The following NRCAM variants were observed in gnomAD, a reference collection of about 807,000 sequenced individuals.
NRCAM encodes the protein NgCAM-related cell adhesion molecule.
In NRCAM, 83 loss-of-function variants were observed where a neutral mutation model predicts 156.5. The ratio of observed to expected loss-of-function variants is 0.53; its 90% confidence interval spans 0.44 to 0.64. The LOEUF (loss-of-function observed/expected upper bound fraction) is 0.64, where lower values mean the gene tolerates loss of function less well. Ranked by LOEUF, NRCAM falls within the 30% of genes least tolerant of loss-of-function variation. The pLI is 0.00. For synonymous variants in NRCAM, 538 were observed against 563.9 expected (o/e 0.95, Z 0.65); for missense variants, 1,417 against 1,597.3 (o/e 0.89, Z 1.92).
intron 1 of NRCAM, among the ~76,000 whole-genome samples, chr7:108,406,377 C>G (rs1052627616): frequency 5.3e-5 from 8 of 152,126 alleles, no homozygotes; most frequent in Non-Finnish European, 1.2e-4. Context: ...TAAACAGAGC[C>G]AAGGCCTCAT....
chr7:108,369,361 G>A (rs1426827217), intron 2 of NRCAM, among the ~76,000 whole-genome samples: 1 of 151,974 alleles, frequency 6.6e-6, no homozygotes, highest in Non-Finnish European at 1.5e-5. Context: ...ATAAATTACT[G>A]ATAATTTTTT....
Position 108,150,125 on chromosome 7 carries a change from A to G in NRCAM, c.3700T>C (p.Leu1234=). 6.2e-7 allele frequency: 1 copy of G among 1,611,788 alleles called. No homozygotes were observed. Among genetic ancestry groups the G allele is most frequent in the East Asian group, 2.2e-5 (1 of 44,878 alleles). The change falls in exon 33 of 33, where the codon TTG becomes CTG. Residue 1234 remains leucine (L), a synonymous_variant. Coordinates refer to ENST00000379028, the MANE Select transcript of NRCAM (RefSeq NM_001037132.4). ...GAAGGAGTTCGACTTCCTTTTTTCA[A>G]AGGCTTGTGGTCTTCTGCATCACTG... ...EYSDAEDHKP[L]KKGSRTPSDR...
chr7:108,286,782 A>G (rs1007104457), intron 3 of NRCAM, among the ~76,000 whole-genome samples: 1 of 152,186 alleles, frequency 6.6e-6, no homozygotes, highest in Non-Finnish European at 1.5e-5. Flanking sequence ...CATAGCCCAC[A>G]GTTTTTCCAT....
intron 2 of NRCAM, among the ~76,000 whole-genome samples, chr7:108,397,685 C>A (rs1252271970): frequency 6.6e-6 from 1 of 152,166 alleles, no homozygotes; most frequent in African/African-American, 2.4e-5. Context: ...ATGATTGATA[C>A]TGAAAAAGAA....
intron 25 of NRCAM, among the ~76,000 whole-genome samples, chr7:108,179,734 T>C (rs900318806): frequency 6.6e-5 from 10 of 152,200 alleles, no homozygotes; most frequent in Non-Finnish European, 1.3e-4. Context: ...TGCAACCTTC[T>C]AACTCGGTTC....
intron 5 of NRCAM, 144 bp from the exon 6 acceptor site, chr7:108,234,832 T>G (rs761691138): frequency 1.3e-6 from 1 of 770,450 alleles, no homozygotes; most frequent in Non-Finnish European, 2.4e-6. Context: ...CAGCATATAC[T>G]TCAGTAGATT....
chr7:108,201,709 G>T (rs1052072306), intron 13 of NRCAM, among the ~76,000 whole-genome samples: 2 of 152,126 alleles, frequency 1.3e-5, no homozygotes, highest in Admixed American at 6.6e-5. Context: ...CTTTTCTGTT[G>T]CTCTCAGTTG....
rs903918390 is a variant in NRCAM, at chr7:108,148,023, G to C, written c.*1887C>G. On this transcript the variant is annotated 3_prime_UTR_variant, in exon 33 of 33. Coordinates refer to ENST00000379028, the MANE Select transcript of NRCAM (RefSeq NM_001037132.4). Reference sequence around the variant, plus strand: ...GGTGGATCTGTGAAAAATGAATATAGAGACATGAAAGTATTTAGGGCCATC... The same window carrying C: ...GGTGGATCTGTGAAAAATGAATATACAGACATGAAAGTATTTAGGGCCATC... 3 of 152,604 alleles carry C rather than the reference G, an allele frequency of 2.0e-5. No homozygotes were observed. Among genetic ancestry groups the C allele is most frequent in the Non-Finnish European group, 4.4e-5 (3 of 68,040 alleles). 9.5% of individuals were successfully genotyped at this position (152,604 alleles called of 1,614,324 possible).
chr7:108,416,523 G>C (rs1470667121), intron 1 of NRCAM, among the ~76,000 whole-genome samples: 1 of 152,092 alleles, frequency 6.6e-6, no homozygotes, highest in Non-Finnish European at 1.5e-5. Flanking sequence ...AGACAATCAT[G>C]TAGGGATTTT....
chr7:108,328,029 T>G (rs1331352844), intron 2 of NRCAM, among the ~76,000 whole-genome samples: 5 of 152,162 alleles, frequency 3.3e-5, no homozygotes, highest in Admixed American at 3.3e-4. Context: ...ACAAAAGCAT[T>G]AAAATTACAT....
At chr7:108,293,122 G>A (rs758234122) in intron 3 of NRCAM, among the ~76,000 whole-genome samples, 20 of 152,034 alleles carry the variant, frequency 1.3e-4, no homozygotes, top group South Asian at 4.2e-4. Flanking sequence ...AAAATCAAAC[G>A]GTGTGAATGC....
chr7:108,154,122 G>A (rs1446907166), intron 32 of NRCAM, among the ~76,000 whole-genome samples: 2 of 152,136 alleles, frequency 1.3e-5, no homozygotes, highest in Non-Finnish European at 2.9e-5. Flanking sequence ...GGTTCTTGAA[G>A]AAGACAACTA....
intron 3 of NRCAM, among the ~76,000 whole-genome samples, chr7:108,285,998 G>A (rs575134914): frequency 1.4e-4 from 21 of 152,282 alleles, no homozygotes; most frequent in East Asian, 5.8e-4. Flanking sequence ...GGTCAAAAAC[G>A]TATGTATGGC....
At chr7:108,210,243 G>GT (rs201295525) in intron 11 of NRCAM, among the ~76,000 whole-genome samples, 1,818 of 149,522 alleles carry the variant, frequency 0.012, 36 homozygotes, top group African/African-American at 0.039. Flanking sequence ...GTCACCCAAT[G>GT]TTTTGTTTTG....
chr7:108,196,578 A>G (rs1563382605), intron 14 of NRCAM, among the ~76,000 whole-genome samples: 1 of 152,234 alleles, frequency 6.6e-6, no homozygotes, highest in Non-Finnish European at 1.5e-5. Flanking sequence ...GGTATATGGG[A>G]AAATGCCCAA....
chr7:108,432,482 T>A (rs1482285616), intron 1 of NRCAM, among the ~76,000 whole-genome samples: 1 of 152,190 alleles, frequency 6.6e-6, no homozygotes, highest in Non-Finnish European at 1.5e-5. Flanking sequence ...CTCAAAGTTA[T>A]AAAAAACCCA....
In NRCAM at chr7:108,182,900, A is replaced by G. The variant is rs978546598; in HGVS notation, c.2325T>C (p.Ser775=). The G allele has an allele frequency of 6.2e-7, 1 of 1,614,214 alleles. No homozygotes were observed. The highest frequency in any genetic ancestry group is 8.5e-7 in the Non-Finnish European group (1 of 1,180,026). ...ITWKPLNGFE[S]NGPGLQYKVS... is the part of the protein sequence containing the mutation. ...CTTTGTACTGAAGGCCTGGCCCATTAGATTCGAAACCATTCAAGGGCTACA... is the reference window on the plus strand; with the variant it reads ...CTTTGTACTGAAGGCCTGGCCCATTGGATTCGAAACCATTCAAGGGCTACA... Residue 775 remains serine, a synonymous_variant, in exon 23 of 33, where the codon TCT becomes TCC. Coordinates refer to ENST00000379028, the MANE Select transcript of NRCAM (RefSeq NM_001037132.4).
intron 2 of NRCAM, among the ~76,000 whole-genome samples, chr7:108,319,428 G>A (rs572638336): frequency 5.3e-5 from 8 of 152,096 alleles, no homozygotes; most frequent in Admixed American, 2.0e-4. Context: ...TTATCACCTC[G>A]TTATGCAAAA....
chr7:108,299,820 G>A (rs562374749), intron 3 of NRCAM, among the ~76,000 whole-genome samples: 22 of 152,304 alleles, frequency 1.4e-4, no homozygotes, highest in Non-Finnish European at 2.4e-4. Context: ...AAGCAGCGAT[G>A]TGGTGGTGAA....
Sources: allele counts gnomAD v4.1 joint callset (sites outside exome capture counted in the v4.1 genomes callset), GRCh38; gene constraint gnomAD v4.1.1; transcripts MANE v1.5; gene names NCBI Gene and HGNC (gene_info 2026-07-23, HGNC 2026-07-21).